ZC3H7A: variants seen among roughly 807,000 people sequenced by gnomAD.
ZC3H7A encodes the protein zinc finger CCCH domain-containing protein 7A.
A neutral mutation model predicts 125.5 loss-of-function variants in ZC3H7A; 44 were observed. The observed-to-expected ratio is 0.35, with a 90% CI of 0.28 to 0.45. ZC3H7A has a LOEUF of 0.45. Among genes scored for constraint, ZC3H7A ranks in the 20% least tolerant of loss-of-function variants. ZC3H7A has a pLI of 1.00. For synonymous variants in ZC3H7A, 399 were observed against 391.2 expected, an observed-to-expected ratio of 1.02 and a Z score of -0.23; for missense variants, 977 against 1,170.7, an observed-to-expected ratio of 0.83 and a Z score of 2.41.
chr16:11,779,781 A>AGT (rs146599213), intron 3 of ZC3H7A, among the ~76,000 whole-genome samples: 39 of 151,708 alleles, frequency 2.6e-4, no homozygotes, highest in East Asian at 7.7e-4. Flanking sequence ...CACACTAGGT[A>AGT]GTGTGTGTGT....
chr16:11,789,374 C>T (rs1017067906), intron 1 of ZC3H7A, among the ~76,000 whole-genome samples: 1 of 152,126 alleles, frequency 6.6e-6, no homozygotes, highest in Non-Finnish European at 1.5e-5. Flanking sequence ...ACTGCCTCAG[C>T]CTCCCAAGTA....
At chr16:11,779,091 C>G in intron 4 of ZC3H7A, 75 bp downstream of exon 4, 1 of 1,240,354 alleles carries the variant, frequency 8.1e-7, no homozygotes, top group Non-Finnish European at 1.1e-6. Context: ...AAGAAATTGA[C>G]TTTTTATTAA....
At chr16:11,781,661 T>TAC (rs987862272) in intron 2 of ZC3H7A, among the ~76,000 whole-genome samples, 197 bp from the exon 3 acceptor site, 2 of 150,290 alleles carry the variant, frequency 1.3e-5, no homozygotes, top group African/African-American at 4.9e-5. Context: ...CATATATATA[T>TAC]ATATATATAT....
intron 22 of ZC3H7A, 101 bp from the exon 23 acceptor site, chr16:11,751,607 T>C: frequency 1.6e-6 from 2 of 1,217,064 alleles, no homozygotes; most frequent in Non-Finnish European, 2.3e-6. Flanking sequence ...ATGATTTGCA[T>C]ACAACTTTTA....
At chr16:11,782,570 C>T (rs1249227992) in intron 1 of ZC3H7A, 182 bp from the exon 2 acceptor site, 5 of 483,360 alleles carry the variant, frequency 1.0e-5, no homozygotes, top group Admixed American at 3.5e-5. Flanking sequence ...CCCTGTGGTC[C>T]GGCACACCAT....
chr16:11,762,342 G>A (rs951763784), intron 17 of ZC3H7A, among the ~76,000 whole-genome samples: 5 of 152,042 alleles, frequency 3.3e-5, no homozygotes, highest in African/African-American at 7.2e-5. Flanking sequence ...ATGGAAAAAC[G>A]AGACATGCCA....
intron 9 of ZC3H7A, among the ~76,000 whole-genome samples, chr16:11,772,524 T>C (rs2053003472): frequency 6.6e-6 from 1 of 151,742 alleles, no homozygotes; most frequent in African/African-American, 2.4e-5. Flanking sequence ...ATGAAGTAAC[T>C]TGCCCAGTAT....
Position 11,751,344 on chromosome 16 carries a change from A to G in ZC3H7A, c.2889T>C (p.Tyr963=), listed in dbSNP as rs146764567. The change falls in exon 23 of 23, where the codon TAT becomes TAC. Residue 963 remains tyrosine, a synonymous_variant. Transcript: ENST00000355758. The part of the protein sequence containing the change: ...IGPNDNDFGK[Y]SFLFKDLN ...AGTTTAAATCTTTAAACAAAAAACT[A>G]TATTTTCCAAAGTCATTATCATTTG... 188 of 1,613,036 alleles carry G rather than the reference A, an allele frequency of 1.2e-4. No homozygotes were observed. The African/African-American group carries it at 1.8e-3, about 15-fold the overall frequency.
chr16:11,765,381 A>G lies in ZC3H7A; in HGVS notation c.1719+108T>C, dbSNP rs1221277332. The G allele has an allele frequency of 1.4e-6, 1 of 734,698 alleles. No individual in the cohort carries two copies. Among genetic ancestry groups the G allele is most frequent in the Non-Finnish European group, 2.1e-6 (1 of 481,582 alleles). 45.5% of individuals were successfully genotyped at this position (734,698 alleles called of 1,614,324 possible). The stretch of plus-strand genomic sequence containing the variant: ...ATGATATTATTTATCATATAAATAA[A>G]TGAATATTTATTCATTTACCAAGTG... On this transcript the variant is annotated intron_variant, in intron 14 of 22. Transcript: ENST00000355758. The surrounding 1 kb of genome is among the most constrained non-coding windows in gnomAD (Gnocchi z 4.8).
At chr16:11,767,251 T>C (rs1011050448) in intron 13 of ZC3H7A, among the ~76,000 whole-genome samples, 166 bp downstream of exon 13, 1 of 152,188 alleles carries the variant, frequency 6.6e-6, no homozygotes, top group African/African-American at 2.4e-5. Flanking sequence ...GACTATGTCA[T>C]GGATAGGCTA....
At chr16:11,789,741 T>C (rs1414341040) in intron 1 of ZC3H7A, among the ~76,000 whole-genome samples, 1 of 152,132 alleles carries the variant, frequency 6.6e-6, no homozygotes, top group Non-Finnish European at 1.5e-5. Flanking sequence ...AAGGTCACCA[T>C]GTACACAGGG....
At chr16:11,777,911 C>T (rs1440103058) in intron 4 of ZC3H7A, among the ~76,000 whole-genome samples, 8 of 151,054 alleles carry the variant, frequency 5.3e-5, no homozygotes, top group Admixed American at 6.6e-5. Flanking sequence ...CTCAGCTACT[C>T]GGGAAGCTGA....
At chr16:11,779,773 C>T (rs1481530169) in intron 3 of ZC3H7A, among the ~76,000 whole-genome samples, 1 of 152,162 alleles carries the variant, frequency 6.6e-6, no homozygotes, top group South Asian at 2.1e-4. Flanking sequence ...CACCCATACA[C>T]ACTAGGTAGT....
chr16:11,753,037 G>T (rs2052577957), intron 21 of ZC3H7A: 1 of 541,868 alleles, frequency 1.8e-6, no homozygotes, highest in Non-Finnish European at 3.2e-6. Flanking sequence ...CAGCTGTCCA[G>T]GAAATCTCCG....
chr16:11,756,288 G>C lies in ZC3H7A; in HGVS notation c.2511C>G (p.Asn837Lys). 1 of 1,614,060 alleles carries C rather than the reference G, an allele frequency of 6.2e-7. No homozygotes were observed. Among genetic ancestry groups the C allele is most frequent in the Non-Finnish European group, 8.5e-7 (1 of 1,180,000 alleles). Reference protein sequence around the residue: ...EKSEDIASQSNKENGKQIHMP... With the variant: ...EKSEDIASQSKKENGKQIHMP... ...TGTGAATTTGTTTTCCATTTTCCTT[G>C]TTTGACTGACTGGCTATGTCTTCAC... The change falls in exon 21 of 23, where the codon AAC becomes AAG. Residue 837 changes from asparagine (N) to lysine (K), a missense_variant. Coordinates refer to ENST00000355758, the MANE Select transcript of ZC3H7A (RefSeq NM_014153.4).
chr16:11,756,426 G>C, intron 20 of ZC3H7A, 56 bp from the exon 21 acceptor site: 2 of 1,581,890 alleles, frequency 1.3e-6, no homozygotes, highest in South Asian at 2.3e-5. Flanking sequence ...TTAAATACAT[G>C]CAACTATGTG....
At position 11,788,960 on chromosome 16, in the gene ZC3H7A, GTTACATGAA is replaced by G. The variant is rs376332079; in HGVS notation, c.-34-6581_-34-6573del. Among the ~76,000 whole-genome samples the G allele has an allele frequency of 3.4e-3, 520 of 152,146 alleles. 3 individuals carry two copies. Among genetic ancestry groups the G allele is most frequent in the Non-Finnish European group, 6.5e-3 (439 of 67,996 alleles). On this transcript the variant is annotated intron_variant, in intron 1 of 22. Coordinates refer to ENST00000355758, the MANE Select transcript of ZC3H7A (RefSeq NM_014153.4). Reference sequence around the variant, plus strand: ...ATTCTGTATCTTGATTGTGGGAGTGGTTACATGAATTTATGCATGGGATAAAACTGCATA... The same window carrying G: ...ATTCTGTATCTTGATTGTGGGAGTGGTTTATGCATGGGATAAAACTGCATA...
chr16:11,791,246 G>A (rs1040547773), intron 1 of ZC3H7A, among the ~76,000 whole-genome samples: 1 of 151,912 alleles, frequency 6.6e-6, no homozygotes, highest in Non-Finnish European at 1.5e-5. Flanking sequence ...CGCAGCTCCT[G>A]CCTCCCCCAG....
intron 1 of ZC3H7A, among the ~76,000 whole-genome samples, chr16:11,792,788 C>T (rs1340683887): frequency 6.6e-6 from 1 of 152,232 alleles, no homozygotes. Flanking sequence ...CCACCTGGCT[C>T]TTCTGCACAT....
Sources: gnomAD v4.1 joint callset for allele counts (sites outside exome capture counted in the v4.1 genomes callset) on GRCh38, gnomAD v4.1.1 for gene constraint, Gnocchi (gnomAD v3.1) non-coding constraint, MANE v1.5 for transcripts, NCBI Gene and HGNC (gene_info 2026-07-23, HGNC 2026-07-21) for gene names.